XYLB: variants seen among roughly 807,000 people sequenced by gnomAD.
XYLB encodes xylulose kinase.
XYLB carries 62 observed loss-of-function variants against 78.7 expected under a neutral mutation model. The observed-to-expected ratio is 0.79, with a 90% CI of 0.64 to 0.97. The LOEUF (loss-of-function observed/expected upper bound fraction) is 0.97, where lower values mean the gene tolerates loss of function less well. Among genes scored for constraint, XYLB ranks in the 50% least tolerant of loss-of-function variants. The pLI is 0.00. For missense variants in XYLB, 687 were observed against 676.8 expected (o/e 1.02, Z -0.17); for synonymous variants, 245 against 247.4 (o/e 0.99, Z 0.09).
chr3:38,410,499 A>G (rs1257847570), intron 18 of XYLB, among the ~76,000 whole-genome samples: 1 of 152,136 alleles, frequency 6.6e-6, no homozygotes, highest in Non-Finnish European at 1.5e-5. Flanking sequence ...CTAAAACACC[A>G]AAAGCAATGG....
In XYLB at chr3:38,346,904, C is replaced by G; in HGVS notation, c.36C>G (p.Gly12=). The G allele has an allele frequency of 6.6e-7, 1 of 1,518,070 alleles. No individual in the cohort carries two copies. Among genetic ancestry groups the G allele is most frequent in the African/African-American group, 1.4e-5 (1 of 69,648 alleles). The allele number at this position is 1,518,070 out of a possible 1,614,324, so 94.0% of individuals were successfully genotyped here. Residue 12 remains glycine, a synonymous_variant, in exon 1 of 19, where the codon GGC becomes GGG. Coordinates refer to ENST00000207870, the MANE Select transcript of XYLB (RefSeq NM_005108.4). ...ACGCCCCTCGCCGCTGCTGCCTGGG[C>G]TGGGACTTCAGCACGCAGCAGGTAC... The part of the protein sequence containing the change: ...AEHAPRRCCL[G]WDFSTQQVKV...
chr3:38,359,440 A>G (rs1093687), intron 2 of XYLB, among the ~76,000 whole-genome samples: 131,142 of 152,188 alleles, frequency 0.86, 57,407 homozygotes, highest in East Asian at 1. Context: ...AGGCCTGTTT[A>G]TGACAGGCTT....
At chr3:38,374,081 A>G (rs1559590987) in intron 10 of XYLB, among the ~76,000 whole-genome samples, 1 of 151,614 alleles carries the variant, frequency 6.6e-6, no homozygotes, top group African/African-American at 2.4e-5. Flanking sequence ...GGGCACAGAG[A>G]GTGAACATAA....
chr3:38,419,604 A>ATATATATATATATATAT (rs1559628830), downstream of XYLB, among the ~76,000 whole-genome samples: 29 of 107,216 alleles, frequency 2.7e-4, no homozygotes, highest in South Asian at 9.4e-4. Context: ...ATATATATAT[A>ATATATATATATATATAT]ATAGCCATCG....
chr3:38,421,679 C>G (rs1255035470), downstream of XYLB, among the ~76,000 whole-genome samples: 2 of 152,150 alleles, frequency 1.3e-5, no homozygotes, highest in African/African-American at 4.8e-5. Flanking sequence ...CCTTTCCACA[C>G]AGATGACGAG....
At chr3:38,412,036 G>A (rs1708614743) in intron 18 of XYLB, among the ~76,000 whole-genome samples, 2 of 150,540 alleles carry the variant, frequency 1.3e-5, no homozygotes, top group Non-Finnish European at 2.9e-5. Context: ...TGTCACCCAG[G>A]CTGGAGTGCA....
At chr3:38,445,863 C>T in the XYLB span, among the ~76,000 whole-genome samples, 1 of 152,136 alleles carries the variant, frequency 6.6e-6, no homozygotes, top group Non-Finnish European at 1.5e-5. Context: ...AAAAATAGGA[C>T]AGAATAGCTA....
intron 18 of XYLB, 156 bp downstream of exon 18, chr3:38,401,141 G>A: frequency 1.5e-6 from 1 of 661,580 alleles, no homozygotes; most frequent in Non-Finnish European, 2.6e-6. Flanking sequence ...GAGCTAAAGG[G>A]CCATGTTGTC....
the XYLB span, among the ~76,000 whole-genome samples, chr3:38,438,612 C>T: frequency 3.9e-5 from 6 of 152,314 alleles, no homozygotes; most frequent in East Asian, 3.9e-4. Flanking sequence ...AATGAAGCTG[C>T]GGACCTTTGT....
intron 14 of XYLB, 114 bp downstream of exon 14, chr3:38,377,105 T>A: frequency 2.1e-6 from 2 of 932,348 alleles, no homozygotes; most frequent in Non-Finnish European, 3.4e-6. Context: ...ACTCATCCAT[T>A]AATATCATAC....
chr3:38,381,125 G>C (rs1242332162), intron 15 of XYLB, among the ~76,000 whole-genome samples: 1 of 152,212 alleles, frequency 6.6e-6, no homozygotes, highest in Admixed American at 6.5e-5. Context: ...CAAACGGAGG[G>C]ACTGGCTGAA....
In XYLB at chr3:38,349,254, G is replaced by A. The variant is rs117514754; in HGVS notation, c.140+622G>A. Among the ~76,000 whole-genome samples the A allele has an allele frequency of 4.6e-5, 7 of 152,354 alleles. No individual in the cohort carries two copies. The East Asian group carries it at 1.3e-3, about 29-fold the overall frequency. ...CATGCAATTGAAGAAAGCCAATGAT[G>A]CTGGGGAGCAGAGAGAGGCGGAGGC... On this transcript the variant is annotated intron_variant, in intron 2 of 18. Transcript: ENST00000207870.
intron 15 of XYLB, among the ~76,000 whole-genome samples, chr3:38,383,986 A>G (rs1468449079): frequency 2.6e-5 from 4 of 152,166 alleles, no homozygotes; most frequent in African/African-American, 7.2e-5. Context: ...GGTGCTGCGT[A>G]TGATGGCCAG....
chr3:38,384,463 A>C (rs1231907661), intron 15 of XYLB, among the ~76,000 whole-genome samples: 1 of 152,146 alleles, frequency 6.6e-6, no homozygotes, highest in Non-Finnish European at 1.5e-5. Context: ...CTTCCCAGAC[A>C]CTGTCTTCAC....
the XYLB span, among the ~76,000 whole-genome samples, chr3:38,436,683 A>G: frequency 6.6e-6 from 1 of 152,298 alleles, no homozygotes; most frequent in Middle Eastern, 3.4e-3. Context: ...AATACTAGCA[A>G]ACCAAATCCA....
At chr3:38,371,818 T>A (rs1706580632) in intron 9 of XYLB, among the ~76,000 whole-genome samples, 1 of 152,166 alleles carries the variant, frequency 6.6e-6, no homozygotes, top group Non-Finnish European at 1.5e-5. Flanking sequence ...GGAACAGCCA[T>A]GTGGCCCTGT....
At chr3:38,447,391 C>T in the XYLB span, among the ~76,000 whole-genome samples, 1 of 152,078 alleles carries the variant, frequency 6.6e-6, no homozygotes, top group East Asian at 1.9e-4. Context: ...GGAGCCTTCA[C>T]CTCCTGGGCT....
chr3:38,441,607 G>A, the XYLB span, among the ~76,000 whole-genome samples: 1 of 152,176 alleles, frequency 6.6e-6, no homozygotes, highest in Non-Finnish European at 1.5e-5. Flanking sequence ...CCCTCAAGGA[G>A]TAGCTCCTGG....
chr3:38,372,211 C>T (rs985901414), intron 9 of XYLB, among the ~76,000 whole-genome samples: 4 of 152,088 alleles, frequency 2.6e-5, no homozygotes, highest in African/African-American at 9.7e-5. Context: ...GCTCTCTGCA[C>T]GTTCACGTCC....
Sources: gnomAD v4.1 joint callset for allele counts (sites outside exome capture counted in the v4.1 genomes callset) on GRCh38, gnomAD v4.1.1 for gene constraint, MANE v1.5 for transcripts, NCBI Gene and HGNC (gene_info 2026-07-23, HGNC 2026-07-21) for gene names.